The following ANKDD1A variants were observed in gnomAD, a reference collection of about 807,000 sequenced individuals.
The protein encoded by ANKDD1A is ankyrin repeat and death domain-containing protein 1A.
ANKDD1A carries 59 observed loss-of-function variants against 63.5 expected under a neutral mutation model. The observed-to-expected ratio is 0.93, with a 90% CI of 0.75 to 1.15. The LOEUF (loss-of-function observed/expected upper bound fraction) is 1.15. ANKDD1A is among the 50% of genes most tolerant of loss of function. The pLI, the probability that ANKDD1A is intolerant of heterozygous loss-of-function variation, is 0.00. For synonymous variants in ANKDD1A, 266 were observed against 263.9 expected, an observed-to-expected ratio of 1.01 and a Z score of -0.08; for missense variants, 632 against 656.4, an observed-to-expected ratio of 0.96 and a Z score of 0.41.
At chr15:64,925,946 T>G in intron 4 of ANKDD1A, 120 bp from the exon 5 acceptor site, 1 of 811,892 alleles carries the variant, frequency 1.2e-6, no homozygotes, top group Non-Finnish European at 2.0e-6. Context: ...TCATTTACAG[T>G]GTTGTATCCA....
intron 1 of ANKDD1A, among the ~76,000 whole-genome samples, chr15:64,915,107 C>T (rs2084959153): frequency 6.6e-6 from 1 of 152,188 alleles, no homozygotes; most frequent in Non-Finnish European, 1.5e-5. Flanking sequence ...GAGTTGGGGA[C>T]CAGCCTGGCC....
At chr15:64,945,910 G>A (rs1029057764) in intron 12 of ANKDD1A, among the ~76,000 whole-genome samples, 3 of 151,910 alleles carry the variant, frequency 2.0e-5, no homozygotes, top group African/African-American at 4.8e-5. Context: ...GGGATTACAG[G>A]TGTGAGCCAC....
intron 9 of ANKDD1A, 116 bp from the exon 10 acceptor site, chr15:64,942,350 TA>T: frequency 4.3e-6 from 3 of 690,280 alleles, no homozygotes; most frequent in Non-Finnish European, 6.7e-6. Flanking sequence ...TCCAAGAAGC[TA>T]AAAGGGCCAA....
intron 1 of ANKDD1A, among the ~76,000 whole-genome samples, chr15:64,912,737 A>C (rs1490772680): frequency 1.3e-5 from 2 of 152,238 alleles, no homozygotes; most frequent in Non-Finnish European, 2.9e-5. Flanking sequence ...CTTTCCCTCA[A>C]AAGCGCATAG....
At chr15:64,952,070 CTTCTTCTTCCTTCTT>C (rs1871908766) in intron 14 of ANKDD1A, among the ~76,000 whole-genome samples, 1 of 1,492 alleles carries the variant, frequency 6.7e-4, no homozygotes, top group Middle Eastern at 0.5. Context: ...TTCTTCCTTT[CTTCTTCTTCCTTCTT>C]TTCTTCCTCT....
At chr15:64,924,031 A>G (rs2085027775) in intron 4 of ANKDD1A, among the ~76,000 whole-genome samples, 1 of 152,188 alleles carries the variant, frequency 6.6e-6, no homozygotes, top group Non-Finnish European at 1.5e-5. Flanking sequence ...GTAATGATAT[A>G]TTATTTTCCA....
At chr15:64,928,644 G>A (rs768966397) in intron 6 of ANKDD1A, among the ~76,000 whole-genome samples, 5 of 152,214 alleles carry the variant, frequency 3.3e-5, no homozygotes, top group African/African-American at 9.7e-5. Flanking sequence ...GTCACTCCAC[G>A]TGTACTCTAG....
At chr15:64,953,680 T>C (rs1397921974) in intron 14 of ANKDD1A, among the ~76,000 whole-genome samples, 1 of 134,202 alleles carries the variant, frequency 7.5e-6, no homozygotes, top group African/African-American at 3.1e-5. Context: ...CCTTCTTTTC[T>C]TCTCCTTCTC....
chr15:64,954,159 CTT>C (rs374756410), intron 14 of ANKDD1A, among the ~76,000 whole-genome samples: 1 of 48,390 alleles, frequency 2.1e-5, no homozygotes, highest in Non-Finnish European at 7.4e-5. Flanking sequence ...CCTTATTATT[CTT>C]TCTTCTTTCT....
intron 14 of ANKDD1A, chr15:64,950,450 C>T: frequency 1.0e-6 from 1 of 985,332 alleles, no homozygotes; most frequent in African/African-American, 1.7e-5. Context: ...ATATGGGATT[C>T]AGTGTTCTGT....
chr15:64,946,739 C>T (rs1039079443), intron 12 of ANKDD1A, among the ~76,000 whole-genome samples: 1 of 152,144 alleles, frequency 6.6e-6, no homozygotes, highest in African/African-American at 2.4e-5. Flanking sequence ...AGGTGAGAAC[C>T]AAGCTTCACC....
At chr15:64,922,332 C>A (rs2085013627) in intron 4 of ANKDD1A, 1 of 344,732 alleles carries the variant, frequency 2.9e-6, no homozygotes, top group Non-Finnish European at 5.4e-6. Flanking sequence ...ACCCCTTGTG[C>A]TCAGTGCGGT....
intron 8 of ANKDD1A, among the ~76,000 whole-genome samples, chr15:64,933,013 AGC>A (rs2085103143): frequency 6.6e-6 from 1 of 150,582 alleles, no homozygotes; most frequent in East Asian, 2.0e-4. Flanking sequence ...GGGGGGCTGG[AGC>A]TGCTCATCAC....
chr15:64,930,209 GTAACAAACC>G (rs1259585825), intron 6 of ANKDD1A, among the ~76,000 whole-genome samples: 3 of 151,314 alleles, frequency 2.0e-5, no homozygotes, highest in African/African-American at 4.9e-5. Flanking sequence ...GTTTACCGAT[GTAACAAACC>G]TGCACATTCT....
chr15:64,951,638 TTCTA>T (rs1337320719), intron 14 of ANKDD1A, among the ~76,000 whole-genome samples: 18 of 147,966 alleles, frequency 1.2e-4, no homozygotes, highest in Non-Finnish European at 2.2e-4. Flanking sequence ...TCTTTTCTTC[TTCTA>T]TCTTCTTTCC....
chr15:64,947,668 C>A, intron 13 of ANKDD1A, 75 bp downstream of exon 13: 2 of 1,520,264 alleles, frequency 1.3e-6, no homozygotes, highest in Non-Finnish European at 1.8e-6. Flanking sequence ...GTTCAGTTTT[C>A]TGTGCTTCTG....
intron 5 of ANKDD1A, among the ~76,000 whole-genome samples, chr15:64,926,591 G>A (rs1395871549): frequency 6.6e-6 from 1 of 152,118 alleles, no homozygotes; most frequent in African/African-American, 2.4e-5. Context: ...AGGAGGGAAG[G>A]TCTGATGGGT....
chr15:64,954,228 C>T (rs1422928768), intron 14 of ANKDD1A, among the ~76,000 whole-genome samples: 3 of 137,848 alleles, frequency 2.2e-5, no homozygotes, highest in Non-Finnish European at 1.6e-5. Flanking sequence ...CTTCTTCTTC[C>T]TCTCCTTCGT....
intron 11 of ANKDD1A, 102 bp downstream of exon 11, chr15:64,943,684 C>T: frequency 1.8e-6 from 2 of 1,092,744 alleles, no homozygotes; most frequent in South Asian, 1.3e-5. Flanking sequence ...TCAGGGTGTT[C>T]AAGGACTGTC....
Sources: gnomAD v4.1 joint callset for allele counts (sites outside exome capture counted in the v4.1 genomes callset) on GRCh38, gnomAD v4.1.1 for gene constraint, MANE v1.5 for transcripts, NCBI Gene and HGNC (gene_info 2026-07-23, HGNC 2026-07-21) for gene names.